LRP1B: variants seen among roughly 807,000 people sequenced by gnomAD.
LRP1B encodes the protein low-density lipoprotein receptor-related protein 1B.
A neutral mutation model predicts 556.6 loss-of-function variants in LRP1B; 217 were observed. The observed-to-expected ratio is 0.39, with a 90% CI of 0.35 to 0.44. LRP1B has a LOEUF of 0.44. Ranked by LOEUF, LRP1B falls within the 20% of genes least tolerant of loss-of-function variation. LRP1B has a pLI of 1.00. For synonymous variants in LRP1B, 2,047 were observed against 1,865.8 expected, an observed-to-expected ratio of 1.10 and a Z score of -2.50; for missense variants, 5,053 against 5,620.8, an observed-to-expected ratio of 0.90 and a Z score of 3.23.
At chr2:141,847,648 G>A (rs1272208515) in intron 1 of LRP1B, among the ~76,000 whole-genome samples, 1 of 151,342 alleles carries the variant, frequency 6.6e-6, no homozygotes, top group African/African-American at 2.4e-5. Flanking sequence ...CTACATATAA[G>A]GCAACTTGAT....
chr2:141,976,993 T>A (rs1701904551), intron 1 of LRP1B, among the ~76,000 whole-genome samples: 1 of 152,202 alleles, frequency 6.6e-6, no homozygotes, highest in African/African-American at 2.4e-5. Flanking sequence ...AAAAACAATT[T>A]TGAACCTTGG....
At chr2:141,702,120 T>A (rs1691959612) in intron 2 of LRP1B, among the ~76,000 whole-genome samples, 1 of 151,820 alleles carries the variant, frequency 6.6e-6, no homozygotes, top group South Asian at 2.1e-4. Flanking sequence ...TGATGATATA[T>A]CCTAAACAAG....
Position 141,950,538 on chromosome 2 carries a change from A to G in LRP1B, c.83-140137T>C, listed in dbSNP as rs138889817. On this transcript the variant is annotated intron_variant, in intron 1 of 90. Coordinates refer to ENST00000389484, the MANE Select transcript of LRP1B (RefSeq NM_018557.3). ...TGAATTATATAGTCTTTGAGAATGA[A>G]GACTCCTCTTGGGCATTTTAATTAA... 1.4e-3 allele frequency among the ~76,000 whole-genome samples: 208 copies of G among 152,292 alleles called. 3 individuals are homozygous for G. Among genetic ancestry groups the G allele is most frequent in the African/African-American group, 4.8e-3 (201 of 41,580 alleles).
chr2:140,860,266 G>C (rs1353893153), intron 27 of LRP1B, among the ~76,000 whole-genome samples: 1 of 152,150 alleles, frequency 6.6e-6, no homozygotes, highest in Non-Finnish European at 1.5e-5. Context: ...GACTGAGTTA[G>C]AGTATAACTG....
intron 7 of LRP1B, among the ~76,000 whole-genome samples, chr2:141,122,505 A>G (rs1401752397): frequency 2.0e-5 from 3 of 152,150 alleles, no homozygotes; most frequent in Non-Finnish European, 4.4e-5. Context: ...AAAAATGCTC[A>G]TCATCACTGG....
chr2:140,982,300 A>G (rs760445783), intron 17 of LRP1B, 24 bp from the exon 18 acceptor site: 1 of 1,507,622 alleles, frequency 6.6e-7, no homozygotes, highest in South Asian at 1.1e-5. Flanking sequence ...TTAATAAACA[A>G]AAAATCAATT....
intron 1 of LRP1B, among the ~76,000 whole-genome samples, chr2:141,950,780 G>A (rs554976426): frequency 2.0e-5 from 3 of 151,902 alleles, no homozygotes; most frequent in East Asian, 1.9e-4. Context: ...TAGGTAACTC[G>A]CATTTCTAAG....
chr2:140,423,616 C>T (rs1322907520), intron 66 of LRP1B, among the ~76,000 whole-genome samples: 1 of 152,002 alleles, frequency 6.6e-6, no homozygotes, highest in Non-Finnish European at 1.5e-5. Flanking sequence ...GTATTATTTA[C>T]TCTTTGCTTA....
intron 41 of LRP1B, among the ~76,000 whole-genome samples, chr2:140,603,653 A>G (rs1237022249): frequency 1.3e-5 from 2 of 152,118 alleles, no homozygotes; most frequent in African/African-American, 4.8e-5. Context: ...TTTCTTTTCT[A>G]TGGTTAACAT....
intron 66 of LRP1B, among the ~76,000 whole-genome samples, chr2:140,412,321 C>G (rs1684998443): frequency 6.6e-6 from 1 of 152,048 alleles, no homozygotes; most frequent in Admixed American, 6.6e-5. Flanking sequence ...CTTAAGATGG[C>G]TTTGTACAGA....
At chr2:141,317,039 C>T (rs1687060460) in intron 3 of LRP1B, among the ~76,000 whole-genome samples, 1 of 152,154 alleles carries the variant, frequency 6.6e-6, no homozygotes, top group Admixed American at 6.5e-5. Context: ...CAAAGCTTTT[C>T]CTCTTGCACT....
chr2:141,222,110 C>A (rs543844641), intron 6 of LRP1B, among the ~76,000 whole-genome samples: 1 of 151,110 alleles, frequency 6.6e-6, no homozygotes, highest in South Asian at 2.1e-4. Flanking sequence ...ACATGAAAAA[C>A]CCTTGGGGGC....
chr2:142,017,161 AC>A (rs893791085), intron 1 of LRP1B, among the ~76,000 whole-genome samples: 13 of 152,072 alleles, frequency 8.5e-5, no homozygotes, highest in African/African-American at 3.1e-4. Flanking sequence ...TAATATAAAG[AC>A]AAAAAATTGA....
rs115405630 is a variant in LRP1B, at chr2:141,011,797, A to G, written c.2380+1759T>C. Among the ~76,000 whole-genome samples, 953 of 152,178 alleles carry G rather than the reference A, an allele frequency of 6.3e-3. 15 individuals carry two copies. The highest frequency in any genetic ancestry group is 0.022 in the African/African-American group (917 of 41,556). Reference sequence around the variant, plus strand: ...ATCTAAGGAATAACATTGCACTATTATACATCAATGGCACCTTTCAGAACA... The same window carrying G: ...ATCTAAGGAATAACATTGCACTATTGTACATCAATGGCACCTTTCAGAACA... On this transcript the variant is annotated intron_variant, in intron 14 of 90. Transcript: ENST00000389484.
chr2:140,984,960 C>T (rs1553441910), intron 17 of LRP1B, among the ~76,000 whole-genome samples: 1 of 152,026 alleles, frequency 6.6e-6, no homozygotes, highest in East Asian at 1.9e-4. Flanking sequence ...AAAACAAACT[C>T]ACAACATTCA....
intron 1 of LRP1B, among the ~76,000 whole-genome samples, chr2:142,101,787 G>A (rs1028248467): frequency 6.6e-6 from 1 of 151,792 alleles, no homozygotes; most frequent in Non-Finnish European, 1.5e-5. Context: ...TAAAAATTAG[G>A]GTTATATTTT....
At chr2:141,623,454 T>C (rs1688577891) in intron 2 of LRP1B, among the ~76,000 whole-genome samples, 1 of 152,180 alleles carries the variant, frequency 6.6e-6, no homozygotes, top group Non-Finnish European at 1.5e-5. Flanking sequence ...TTTACACCTT[T>C]GTCTTTTTCT....
At chr2:141,730,973 G>A (rs1693249477) in intron 2 of LRP1B, among the ~76,000 whole-genome samples, 3 of 152,094 alleles carry the variant, frequency 2.0e-5, no homozygotes, top group South Asian at 4.2e-4. Flanking sequence ...CCGGAATTAC[G>A]AAACAATAAC....
intron 2 of LRP1B, among the ~76,000 whole-genome samples, chr2:141,764,665 A>G (rs1317336780): frequency 6.7e-6 from 1 of 150,264 alleles, no homozygotes; most frequent in Non-Finnish European, 1.5e-5. Flanking sequence ...AAACTGTGAG[A>G]CAATACATTT....
Sources: gnomAD v4.1 joint callset for allele counts (sites outside exome capture counted in the v4.1 genomes callset) on GRCh38, gnomAD v4.1.1 for gene constraint, MANE v1.5 for transcripts, NCBI Gene and HGNC (gene_info 2026-07-23, HGNC 2026-07-21) for gene names.